The following LRRTM4 variants were observed in gnomAD, a reference collection of about 807,000 sequenced individuals.
LRRTM4 encodes the protein leucine-rich repeat transmembrane neuronal protein 4.
A neutral mutation model predicts 47.6 loss-of-function variants in LRRTM4; 25 were observed. The ratio of observed to expected loss-of-function variants is 0.53; its 90% confidence interval spans 0.38 to 0.73. The LOEUF is 0.73. Ranked by LOEUF, LRRTM4 falls within the 30% of genes least tolerant of loss-of-function variation. The probability of loss-of-function intolerance (pLI) is 0.00; values close to 1 mark genes in which losing one functional copy is unlikely to be tolerated. For synonymous variants in LRRTM4, 311 were observed against 269.5 expected (o/e 1.15, Z -1.51); for missense variants, 638 against 713.4 (o/e 0.89, Z 1.20).
chr2:76,958,072 T>A (rs1675734589), intron 3 of LRRTM4, among the ~76,000 whole-genome samples: 1 of 151,696 alleles, frequency 6.6e-6, no homozygotes, highest in African/African-American at 2.4e-5. Context: ...TTGACATGAA[T>A]CACATGGGAA....
chr2:77,226,406 A>T (rs550244914), intron 3 of LRRTM4, among the ~76,000 whole-genome samples: 11 of 151,842 alleles, frequency 7.2e-5, no homozygotes, highest in African/African-American at 2.4e-4. Flanking sequence ...GAGCATAGAA[A>T]TATATAAAGG....
intron 3 of LRRTM4, among the ~76,000 whole-genome samples, chr2:77,389,951 C>T (rs1289228064): frequency 1.3e-5 from 2 of 152,054 alleles, no homozygotes; most frequent in Non-Finnish European, 2.9e-5. Flanking sequence ...CAGTGCTACC[C>T]TTAAATCTGG....
chr2:76,885,762 G>A (rs1673056703), intron 3 of LRRTM4, among the ~76,000 whole-genome samples: 1 of 152,036 alleles, frequency 6.6e-6, no homozygotes, highest in South Asian at 2.1e-4. Flanking sequence ...ACCGCGCCCG[G>A]CCAAAAACAT....
At chr2:77,128,160 A>G (rs1347771489) in intron 3 of LRRTM4, among the ~76,000 whole-genome samples, 1 of 151,664 alleles carries the variant, frequency 6.6e-6, no homozygotes, top group East Asian at 1.9e-4. Context: ...AAAACAAAAC[A>G]AAACAAATGT....
At chr2:77,325,207 A>G (rs956226501) in intron 3 of LRRTM4, among the ~76,000 whole-genome samples, 2 of 152,168 alleles carry the variant, frequency 1.3e-5, no homozygotes, top group African/African-American at 4.8e-5. Flanking sequence ...TATTTTCTAT[A>G]TCCAAATCCC....
intron 3 of LRRTM4, among the ~76,000 whole-genome samples, chr2:77,022,781 A>C (rs1366090776): frequency 6.6e-6 from 1 of 152,180 alleles, no homozygotes; most frequent in African/African-American, 2.4e-5. Flanking sequence ...TGCAGGGTAC[A>C]GTCTCCCTCC....
intron 3 of LRRTM4, among the ~76,000 whole-genome samples, chr2:77,077,371 G>T (rs970654370): frequency 6.6e-6 from 1 of 152,096 alleles, no homozygotes; most frequent in Non-Finnish European, 1.5e-5. Flanking sequence ...TAGGAACATG[G>T]TAAGTTTTAT....
intron 3 of LRRTM4, among the ~76,000 whole-genome samples, chr2:76,867,078 G>A (rs1271318121): frequency 6.6e-6 from 1 of 152,000 alleles, no homozygotes; most frequent in African/African-American, 2.4e-5. Flanking sequence ...GGGTGGTGGG[G>A]CAAGGGGAGG....
intron 3 of LRRTM4, among the ~76,000 whole-genome samples, chr2:76,967,337 A>C (rs1573379998): frequency 7.3e-6 from 1 of 136,446 alleles, no homozygotes; most frequent in African/African-American, 3.2e-5. Context: ...AGTCATTATC[A>C]GTTGAGATAC....
chr2:77,013,169 G>A (rs1453023077), intron 3 of LRRTM4, among the ~76,000 whole-genome samples: 1 of 148,470 alleles, frequency 6.7e-6, no homozygotes, highest in Non-Finnish European at 1.5e-5. Flanking sequence ...GCTTTGGGCT[G>A]AATCAGGAGG....
intron 3 of LRRTM4, among the ~76,000 whole-genome samples, chr2:76,912,545 G>C (rs1465665395): frequency 1.3e-5 from 2 of 152,152 alleles, no homozygotes; most frequent in African/African-American, 2.4e-5. Flanking sequence ...AGAACAATTA[G>C]AGACAATGTC....
chr2:77,438,359 T>C (rs1304513500), intron 3 of LRRTM4, among the ~76,000 whole-genome samples: 1 of 150,550 alleles, frequency 6.6e-6, no homozygotes, highest in Non-Finnish European at 1.5e-5. Context: ...TAGGTTGGAA[T>C]CTAAAAGCTA....
chr2:76,990,287 A>C (rs1433061292), intron 3 of LRRTM4, among the ~76,000 whole-genome samples: 1 of 151,824 alleles, frequency 6.6e-6, no homozygotes, highest in African/African-American at 2.4e-5. Flanking sequence ...CTTCATGATT[A>C]GGTCAAAACC....
intron 3 of LRRTM4, among the ~76,000 whole-genome samples, chr2:77,286,946 TTC>T (rs1271400665): frequency 6.6e-6 from 1 of 152,140 alleles, no homozygotes; most frequent in Non-Finnish European, 1.5e-5. Context: ...TAAATTATGC[TTC>T]TCTTTCCTTC....
chr2:76,937,657 C>A (rs573145925), intron 3 of LRRTM4, among the ~76,000 whole-genome samples: 127 of 152,218 alleles, frequency 8.3e-4, no homozygotes, highest in Non-Finnish European at 1.5e-3. Context: ...CAACCTCCGC[C>A]TCCCGTGGGC....
chr2:77,223,973 C>T (rs1402995974), intron 3 of LRRTM4, among the ~76,000 whole-genome samples: 2 of 152,010 alleles, frequency 1.3e-5, no homozygotes, highest in African/African-American at 2.4e-5. Context: ...TACAAGGCTA[C>T]AGTAACCAAA....
chr2:76,958,263 T>C (rs1052898236), intron 3 of LRRTM4, among the ~76,000 whole-genome samples: 1 of 151,742 alleles, frequency 6.6e-6, no homozygotes, highest in Non-Finnish European at 1.5e-5. Flanking sequence ...GAATCCAGAA[T>C]ATGAACAATA....
At chr2:76,995,748 A>G (rs1339165217) in intron 3 of LRRTM4, among the ~76,000 whole-genome samples, 1 of 152,038 alleles carries the variant, frequency 6.6e-6, no homozygotes, top group Admixed American at 6.6e-5. Flanking sequence ...CAAGATGTGA[A>G]CTCTGTAACT....
At chr2:77,478,827 A>T (rs1677537659) in intron 3 of LRRTM4, among the ~76,000 whole-genome samples, 2 of 152,212 alleles carry the variant, frequency 1.3e-5, no homozygotes, top group Non-Finnish European at 2.9e-5. Context: ...AAAAGAAAAA[A>T]ACAAAGTGCT....
Sources: gnomAD v4.1 joint callset for allele counts (sites outside exome capture counted in the v4.1 genomes callset) on GRCh38, gnomAD v4.1.1 for gene constraint, MANE v1.5 for transcripts, NCBI Gene and HGNC (gene_info 2026-07-23, HGNC 2026-07-21) for gene names.